The following B3GAT2 variants were observed in gnomAD, a reference collection of about 807,000 sequenced individuals.
B3GAT2 encodes galactosylgalactosylxylosylprotein 3-beta-glucuronosyltransferase 2.
Under a neutral mutation model 27.8 loss-of-function variants are expected in B3GAT2, and 26 were observed. That is an observed-to-expected ratio of 0.93 (90% CI 0.68 to 1.30). The LOEUF (loss-of-function observed/expected upper bound fraction) is 1.30, where lower values mean the gene tolerates loss of function less well. Among genes scored for constraint, B3GAT2 ranks in the 50% most tolerant of loss-of-function variants. B3GAT2 has a pLI of 0.00. For synonymous variants in B3GAT2, 218 were observed against 195.1 expected, an observed-to-expected ratio of 1.12 and a Z score of -0.98; for missense variants, 458 against 459.0, an observed-to-expected ratio of 1.00 and a Z score of 0.02.
chr6:70,895,338 T>A (rs185453000), intron 1 of B3GAT2, among the ~76,000 whole-genome samples: 1 of 152,152 alleles, frequency 6.6e-6, no homozygotes, highest in East Asian at 1.9e-4. Context: ...AACCAAGGAA[T>A]TTTTTATGAA....
chr6:70,953,303 T>C (rs1765603308), intron 1 of B3GAT2, among the ~76,000 whole-genome samples: 1 of 152,180 alleles, frequency 6.6e-6, no homozygotes. Context: ...CACGGAATCA[T>C]TAATCTGAGA....
Position 70,956,031 on chromosome 6 carries a change from G to T in B3GAT2, c.399C>A (p.Ala133=), listed in dbSNP as rs527522804. 45 of 1,550,598 alleles carry T rather than the reference G, an allele frequency of 2.9e-5. No individual in the cohort carries two copies. The South Asian group carries it at 5.3e-4, about 18-fold the overall frequency. Residue 133 remains alanine (A), a synonymous_variant, in exon 1 of 4, where the codon GCC becomes GCA. Coordinates refer to ENST00000230053, the MANE Select transcript of B3GAT2 (RefSeq NM_080742.3). Reference sequence around the variant, plus strand: ...CGTGCAGGTGAGTGCTGGGCAGCCCGGCCCGCGCCAGGAAGCGGCTCACCA... The same window carrying T: ...CGTGCAGGTGAGTGCTGGGCAGCCCTGCCCGCGCCAGGAAGCGGCTCACCA... ...SELVSRFLAR[A]GLPSTHLHVP...
intron 1 of B3GAT2, among the ~76,000 whole-genome samples, chr6:70,906,159 G>GATCT (rs1772598419): frequency 6.6e-6 from 1 of 152,110 alleles, no homozygotes; most frequent in African/African-American, 2.4e-5. Flanking sequence ...GAAAACCAAC[G>GATCT]ATCTATCTCC....
intron 1 of B3GAT2, among the ~76,000 whole-genome samples, chr6:70,910,633 C>T (rs1170749228): frequency 2.0e-5 from 3 of 152,098 alleles, no homozygotes; most frequent in Admixed American, 6.5e-5. Context: ...CTGCGATGAA[C>T]GTGTGTGTGC....
chr6:70,899,159 T>C (rs914229569), intron 1 of B3GAT2, among the ~76,000 whole-genome samples: 1 of 151,964 alleles, frequency 6.6e-6, no homozygotes, highest in African/African-American at 2.4e-5. Context: ...AAAAGAGAAA[T>C]TGCCATTAAA....
chr6:70,892,614 G>A (rs1772309364), intron 2 of B3GAT2, among the ~76,000 whole-genome samples: 1 of 152,190 alleles, frequency 6.6e-6, no homozygotes, highest in South Asian at 2.1e-4. Context: ...CAAGGTGGGA[G>A]GCCAGGAAAG....
chr6:70,922,738 A>C (rs1431467677), intron 1 of B3GAT2, among the ~76,000 whole-genome samples: 1 of 152,158 alleles, frequency 6.6e-6, no homozygotes, highest in Non-Finnish European at 1.5e-5. Flanking sequence ...GAAAAATCAA[A>C]GATCTAAGTT....
At chr6:70,866,094 A>G (rs147712702) in intron 2 of B3GAT2, among the ~76,000 whole-genome samples, 2 of 152,300 alleles carry the variant, frequency 1.3e-5, no homozygotes, top group Non-Finnish European at 2.9e-5. Context: ...TGAAGAGCAA[A>G]TGCTCACACA....
Position 70,859,406 on chromosome 6 carries a change from T to A in B3GAT2, c.*2257A>T. 2 of 1,547,860 alleles carry A rather than the reference T, an allele frequency of 1.3e-6. No homozygotes were observed. On this transcript the variant is annotated 3_prime_UTR_variant, in exon 4 of 4. Coordinates refer to ENST00000230053, the MANE Select transcript of B3GAT2 (RefSeq NM_080742.3). ...GGCCAATGACAAGGTGGTTAAAATG[T>A]CCTTTAGTAGGTATGAAGACGTGAT...
chr6:70,946,591 G>C (rs1765487374), intron 1 of B3GAT2, among the ~76,000 whole-genome samples: 1 of 152,108 alleles, frequency 6.6e-6, no homozygotes, highest in Non-Finnish European at 1.5e-5. Context: ...CAAGTCCTGA[G>C]TGACCTACAA....
chr6:70,937,688 G>A (rs1268453755), intron 1 of B3GAT2, among the ~76,000 whole-genome samples: 5 of 151,758 alleles, frequency 3.3e-5, no homozygotes, highest in African/African-American at 1.2e-4. Flanking sequence ...AAAGGCCTTT[G>A]ACAAAATTCA....
intron 1 of B3GAT2, among the ~76,000 whole-genome samples, chr6:70,926,519 C>A (rs1405309177): frequency 6.6e-6 from 1 of 152,040 alleles, no homozygotes; most frequent in South Asian, 2.1e-4. Context: ...ATGAGAAATA[C>A]GTGACGAATG....
rs558313416 is a variant in B3GAT2, at chr6:70,881,507, T to C, written c.736+12621A>G. On this transcript the variant is annotated intron_variant, in intron 2 of 3. Coordinates refer to ENST00000230053, the MANE Select transcript of B3GAT2 (RefSeq NM_080742.3). ...AGAGGCTTTATTTTAGGTACACCTG[T>C]GGCCACTTTGAGCGGTTTCCACAGA... 1.9e-3 allele frequency among the ~76,000 whole-genome samples: 292 copies of C among 152,340 alleles called. 1 individual carries two copies. Among genetic ancestry groups the C allele is most frequent in the Non-Finnish European group, 2.9e-3 (199 of 68,032 alleles).
intron 1 of B3GAT2, among the ~76,000 whole-genome samples, chr6:70,910,183 T>C (rs1165672049): frequency 1.3e-5 from 2 of 152,176 alleles, no homozygotes; most frequent in Non-Finnish European, 2.9e-5. Context: ...CCTCTTCTTT[T>C]TTTAAGACTT....
At chr6:70,889,639 T>C (rs1043538570) in intron 2 of B3GAT2, among the ~76,000 whole-genome samples, 57 of 152,228 alleles carry the variant, frequency 3.7e-4, no homozygotes, top group African/African-American at 1.2e-3. Context: ...GGGACCTCAG[T>C]GGCCATTGCA....
intron 1 of B3GAT2, among the ~76,000 whole-genome samples, chr6:70,899,258 C>G (rs1772450684): frequency 6.6e-6 from 1 of 152,180 alleles, no homozygotes; most frequent in African/African-American, 2.4e-5. Flanking sequence ...TTGCATTAGA[C>G]TTTTCATTTA....
At chr6:70,881,003 T>A (rs1772091648) in intron 2 of B3GAT2, among the ~76,000 whole-genome samples, 1 of 152,164 alleles carries the variant, frequency 6.6e-6, no homozygotes, top group Non-Finnish European at 1.5e-5. Flanking sequence ...TATAGTTATT[T>A]TCTAATTCTG....
intron 1 of B3GAT2, among the ~76,000 whole-genome samples, chr6:70,945,644 C>A (rs996058639): frequency 4.7e-5 from 7 of 149,410 alleles, no homozygotes; most frequent in Non-Finnish European, 7.4e-5. Context: ...TTGGAAAACA[C>A]TCGGCACGAT....
chr6:70,866,202 C>T (rs1771848433), intron 2 of B3GAT2, among the ~76,000 whole-genome samples: 1 of 152,126 alleles, frequency 6.6e-6, no homozygotes, highest in Non-Finnish European at 1.5e-5. Flanking sequence ...GTGGAGCTAC[C>T]TAGTAACAGC....
Sources: allele counts gnomAD v4.1 joint callset (sites outside exome capture counted in the v4.1 genomes callset), GRCh38; gene constraint gnomAD v4.1.1; transcripts MANE v1.5; gene names NCBI Gene and HGNC (gene_info 2026-07-23, HGNC 2026-07-21).